Variants in DNER observed in about 807,000 individuals in gnomAD.
DNER encodes delta and Notch-like epidermal growth factor-related receptor.
DNER carries 33 observed loss-of-function variants against 78.2 expected under a neutral mutation model. The observed-to-expected ratio is 0.42, with a 90% CI of 0.32 to 0.56. DNER has a LOEUF of 0.56. Among genes scored for constraint, DNER ranks in the 20% least tolerant of loss-of-function variants. The probability of loss-of-function intolerance (pLI) is 0.11; values close to 1 mark genes in which losing one functional copy is unlikely to be tolerated. For synonymous variants in DNER, 417 were observed against 384.8 expected (o/e 1.08, Z -0.98); for missense variants, 918 against 975.3 (o/e 0.94, Z 0.78).
chr2:229,662,439 C>T (rs1311271373), intron 1 of DNER, among the ~76,000 whole-genome samples: 2 of 152,112 alleles, frequency 1.3e-5, no homozygotes, highest in Non-Finnish European at 2.9e-5. Context: ...AATGTTGCTC[C>T]CATTTTACAG....
chr2:229,599,365 A>G (rs768850982), intron 1 of DNER, among the ~76,000 whole-genome samples: 16 of 152,248 alleles, frequency 1.1e-4, no homozygotes, highest in Admixed American at 6.5e-5. Context: ...GTCTTATTAA[A>G]CAAAGAACAA....
At chr2:229,590,935 T>C (rs949241420) in intron 2 of DNER, among the ~76,000 whole-genome samples, 13 of 152,124 alleles carry the variant, frequency 8.5e-5, no homozygotes, top group African/African-American at 3.1e-4. Flanking sequence ...TCAGGTGAGA[T>C]TGGATTGTTT....
chr2:229,498,597 G>A (rs1454827810), intron 6 of DNER, among the ~76,000 whole-genome samples: 1 of 152,128 alleles, frequency 6.6e-6, no homozygotes, highest in Non-Finnish European at 1.5e-5. Flanking sequence ...CATACAAAAT[G>A]CAGTAGCATT....
chr2:229,506,519 T>TC (rs1322873669), intron 6 of DNER, among the ~76,000 whole-genome samples: 1 of 98,450 alleles, frequency 1.0e-5, no homozygotes, highest in East Asian at 2.7e-4. Flanking sequence ...GCCTTTTTTT[T>TC]TCTTTTTTTT....
intron 1 of DNER, among the ~76,000 whole-genome samples, chr2:229,611,859 G>A (rs542330603): frequency 6.6e-6 from 1 of 152,258 alleles, no homozygotes; most frequent in African/African-American, 2.4e-5. Context: ...ACACAGTGTC[G>A]GTGGGATGTT....
intron 1 of DNER, among the ~76,000 whole-genome samples, chr2:229,691,068 T>C (rs1699563629): frequency 6.6e-6 from 1 of 152,184 alleles, no homozygotes; most frequent in Admixed American, 6.5e-5. Context: ...AGACCAACCA[T>C]CCTGCTGAGA....
intron 1 of DNER, among the ~76,000 whole-genome samples, chr2:229,649,526 C>G (rs761523675): frequency 2.6e-5 from 4 of 152,150 alleles, no homozygotes; most frequent in Non-Finnish European, 4.4e-5. Context: ...TCTCAGCTAC[C>G]AATACGATGT....
chr2:229,454,466 GT>G (rs1297178967), intron 7 of DNER, among the ~76,000 whole-genome samples: 1 of 152,098 alleles, frequency 6.6e-6, no homozygotes, highest in Admixed American at 6.5e-5. Context: ...AGGATCCTGT[GT>G]TTTTTTATTA....
intron 1 of DNER, among the ~76,000 whole-genome samples, chr2:229,633,606 G>C (rs1479387320): frequency 6.6e-6 from 1 of 152,198 alleles, no homozygotes; most frequent in Non-Finnish European, 1.5e-5. Context: ...TATGAAAGGT[G>C]AAACAAAGCC....
rs1416910448 is a variant in DNER at position 229,358,633 on chromosome 2, C to T, written c.2121G>A (p.Arg707=). The T allele has an allele frequency of 2.5e-6, 4 of 1,613,406 alleles. No individual in the cohort carries two copies. Among genetic ancestry groups the T allele is most frequent in the Non-Finnish European group, 3.4e-6 (4 of 1,179,728 alleles). Residue 707 remains arginine, a synonymous_variant, in exon 13 of 13, where the codon CGG becomes CGA. Transcript: ENST00000341772. ...IRHARFGKKS[R]PAMYDVSPIA... is the part of the protein sequence containing the mutation. ...TGGGGCTCACATCATACATTGCAGG[C>T]CGGGATTTCTTTCCAAACCTGAAAT... is the stretch of plus-strand genomic sequence containing the variant.
intron 10 of DNER, among the ~76,000 whole-genome samples, chr2:229,396,723 A>G (rs577835737): frequency 3.3e-5 from 5 of 152,362 alleles, no homozygotes; most frequent in South Asian, 2.1e-4. Context: ...TAGCTAAAAT[A>G]AAAGTACAAG....
intron 1 of DNER, among the ~76,000 whole-genome samples, chr2:229,619,728 G>T (rs1452395487): frequency 6.6e-6 from 1 of 152,152 alleles, no homozygotes; most frequent in African/African-American, 2.4e-5. Flanking sequence ...TCAGGTATCT[G>T]GGAAACTCAT....
intron 12 of DNER, 100 bp downstream of exon 12, chr2:229,366,773 A>G: frequency 6.5e-7 from 1 of 1,534,898 alleles, no homozygotes; most frequent in Non-Finnish European, 8.8e-7. Context: ...ATTCTTTAAA[A>G]TCTCCTCTTT....
At chr2:229,362,810 C>T (rs1315147884) in intron 12 of DNER, among the ~76,000 whole-genome samples, 1 of 152,162 alleles carries the variant, frequency 6.6e-6, no homozygotes, top group East Asian at 1.9e-4. Context: ...GGTGACAAGT[C>T]TTGTGTGTCT....
chr2:229,675,897 C>T (rs1032154369), intron 1 of DNER, among the ~76,000 whole-genome samples: 5 of 152,184 alleles, frequency 3.3e-5, no homozygotes, highest in Admixed American at 6.5e-5. Context: ...ATACTGCACA[C>T]CTCCAGGAAG....
At chr2:229,445,739 T>C (rs1381003106) in intron 8 of DNER, among the ~76,000 whole-genome samples, 1 of 149,746 alleles carries the variant, frequency 6.7e-6, no homozygotes, top group Non-Finnish European at 1.5e-5. Context: ...GTCCACACAA[T>C]TGCATGAGCC....
intron 1 of DNER, among the ~76,000 whole-genome samples, chr2:229,624,386 A>G (rs1169621307): frequency 6.6e-6 from 1 of 152,216 alleles, no homozygotes; most frequent in Non-Finnish European, 1.5e-5. Context: ...CAAGACACCT[A>G]CTAGAAAAAT....
intron 8 of DNER, among the ~76,000 whole-genome samples, chr2:229,429,654 G>A (rs16826024): frequency 0.027 from 4,165 of 152,244 alleles, 184 homozygotes; most frequent in African/African-American, 0.091. Context: ...CCATTACCCT[G>A]AGCCATAGTT....
At chr2:229,640,618 T>G (rs1284437125) in intron 1 of DNER, among the ~76,000 whole-genome samples, 1 of 152,234 alleles carries the variant, frequency 6.6e-6, no homozygotes, top group Non-Finnish European at 1.5e-5. Context: ...AAGAGAAGGA[T>G]ATCAAAACAT....
Sources: allele counts gnomAD v4.1 joint callset (sites outside exome capture counted in the v4.1 genomes callset), GRCh38; gene constraint gnomAD v4.1.1; transcripts MANE v1.5; gene names NCBI Gene and HGNC (gene_info 2026-07-23, HGNC 2026-07-21).